PIP4K2A: variants seen among roughly 807,000 people sequenced by gnomAD.
PIP4K2A encodes the protein phosphatidylinositol-5-phosphate 4-kinase type 2 alpha, also known as phosphatidylinositol 5-phosphate 4-kinase type-2 alpha.
Under a neutral mutation model 42.9 loss-of-function variants are expected in PIP4K2A, and 14 were observed. The observed-to-expected ratio is 0.33, with a 90% CI of 0.22 to 0.51. The LOEUF is 0.51. PIP4K2A is among the 20% of genes least tolerant of loss of function. PIP4K2A has a pLI of 0.97. For missense variants in PIP4K2A, 434 were observed against 519.8 expected (o/e 0.83, Z 1.61); for synonymous variants, 192 against 192.2 (o/e 1.00, Z 0.01).
intron 6 of PIP4K2A, among the ~76,000 whole-genome samples, chr10:22,553,661 T>C (rs943189): frequency 0.63 from 96,029 of 151,906 alleles, 30,514 homozygotes; most frequent in South Asian, 0.77. Flanking sequence ...GGGAACTCAA[T>C]CAGAAACCAT....
At chr10:22,575,064 T>C (rs1338544651) in intron 4 of PIP4K2A, among the ~76,000 whole-genome samples, 2 of 152,140 alleles carry the variant, frequency 1.3e-5, no homozygotes, top group Admixed American at 1.3e-4. Context: ...ACCAAATCAC[T>C]CCACAGTTTA....
intron 1 of PIP4K2A, among the ~76,000 whole-genome samples, chr10:22,649,234 T>C (rs1364686446): frequency 6.6e-6 from 1 of 152,252 alleles, no homozygotes; most frequent in Non-Finnish European, 1.5e-5. Flanking sequence ...TTATGAATAA[T>C]TTAACATGTT....
At chr10:22,667,467 A>G (rs1173675359) in intron 1 of PIP4K2A, among the ~76,000 whole-genome samples, 1 of 152,192 alleles carries the variant, frequency 6.6e-6, no homozygotes, top group East Asian at 1.9e-4. Flanking sequence ...CATCCAAAAG[A>G]TTAAAGTGGG....
At chr10:22,663,524 G>C (rs979035297) in intron 1 of PIP4K2A, among the ~76,000 whole-genome samples, 1 of 152,046 alleles carries the variant, frequency 6.6e-6, no homozygotes, top group Non-Finnish European at 1.5e-5. Context: ...TATTATATTT[G>C]TAAACTGACA....
At chr10:22,584,116 C>A (rs1430141897) in intron 4 of PIP4K2A, among the ~76,000 whole-genome samples, 1 of 152,124 alleles carries the variant, frequency 6.6e-6, no homozygotes, top group East Asian at 1.9e-4. Flanking sequence ...GTTGGCAGAC[C>A]ATGACAACAA....
Position 22,594,891 on chromosome 10 carries a change from C to T in PIP4K2A, c.340-3110G>A, listed in dbSNP as rs538398708. Among the ~76,000 whole-genome samples, 120 of 152,228 alleles carry T rather than the reference C, an allele frequency of 7.9e-4. 2 individuals are homozygous for T. In the South Asian group the frequency reaches 0.01, roughly 13 times the overall value. On this transcript the variant is annotated intron_variant, in intron 3 of 9. Coordinates refer to ENST00000376573, the MANE Select transcript of PIP4K2A (RefSeq NM_005028.5). ...CCTGGGATATAAAACCTTAAAAATT[C>T]GAATCTTGATTCTGTCTCAAATCAC... is the stretch of plus-strand genomic sequence containing the variant.
At chr10:22,538,798 C>T (rs943024185) in intron 9 of PIP4K2A, among the ~76,000 whole-genome samples, 36 of 138,456 alleles carry the variant, frequency 2.6e-4, no homozygotes, top group African/African-American at 1.3e-4. Context: ...CTGACGTGCT[C>T]GGGGGCGGTG....
chr10:22,607,752 T>G, intron 3 of PIP4K2A, 175 bp downstream of exon 3: 1 of 503,586 alleles, frequency 2.0e-6, no homozygotes, highest in Non-Finnish European at 3.6e-6. Context: ...TGTATAGAGG[T>G]CCCCAATCAA....
chr10:22,631,975 C>A (rs1052354319), intron 1 of PIP4K2A, among the ~76,000 whole-genome samples: 1 of 151,880 alleles, frequency 6.6e-6, no homozygotes, highest in African/African-American at 2.4e-5. Context: ...CTGATACGTG[C>A]GCTGAGATGG....
At chr10:22,704,422 T>C (rs1338246071) in intron 1 of PIP4K2A, among the ~76,000 whole-genome samples, 1 of 152,064 alleles carries the variant, frequency 6.6e-6, no homozygotes, top group Non-Finnish European at 1.5e-5. Flanking sequence ...CGCAGGTAAG[T>C]TGACGGTTGC....
At chr10:22,664,102 T>TACGTATATATATATACATATATATATAC (rs1839275779) in intron 1 of PIP4K2A, among the ~76,000 whole-genome samples, 1 of 86,666 alleles carries the variant, frequency 1.2e-5, no homozygotes, top group Non-Finnish European at 1.9e-5. Context: ...TATATATATA[T>TACGTATATATATATACATATATATATAC]ACATATATAT....
At chr10:22,710,368 C>T (rs982018080) in intron 1 of PIP4K2A, among the ~76,000 whole-genome samples, 1 of 152,252 alleles carries the variant, frequency 6.6e-6, no homozygotes, top group Middle Eastern at 3.2e-3. Context: ...AACAGGCAAG[C>T]GCTGCCATGT....
At chr10:22,558,536 A>G (rs931627644) in intron 6 of PIP4K2A, among the ~76,000 whole-genome samples, 3 of 152,262 alleles carry the variant, frequency 2.0e-5, no homozygotes, top group African/African-American at 7.2e-5. Context: ...GGATACGGAT[A>G]AAGTTCATAC....
rs146637288 is a variant in PIP4K2A at position 22,632,925 on chromosome 10, C to T, written c.145-23208G>A. 3.7e-3 allele frequency among the ~76,000 whole-genome samples: 563 copies of T among 152,184 alleles called. 2 individuals carry two copies. Among genetic ancestry groups the T allele is most frequent in the African/African-American group, 0.013 (527 of 41,492 alleles). ...TCTTTGGTTTTCTATTTGTATGGCCCCTTTTCATCCTCAACATTCATCATT... is the reference window on the plus strand; with the variant it reads ...TCTTTGGTTTTCTATTTGTATGGCCTCTTTTCATCCTCAACATTCATCATT... On this transcript the variant is annotated intron_variant, in intron 1 of 9. Coordinates refer to ENST00000376573, the MANE Select transcript of PIP4K2A (RefSeq NM_005028.5).
At chr10:22,603,410 T>C (rs1837838383) in intron 3 of PIP4K2A, among the ~76,000 whole-genome samples, 1 of 152,158 alleles carries the variant, frequency 6.6e-6, no homozygotes. Context: ...CAGGGCTGTT[T>C]AATGTTCTTC....
intron 1 of PIP4K2A, among the ~76,000 whole-genome samples, chr10:22,644,047 G>A (rs1191658592): frequency 6.6e-6 from 1 of 152,082 alleles, no homozygotes; most frequent in East Asian, 1.9e-4. Context: ...ACCATCCCCA[G>A]CTGGATCTCT....
chr10:22,616,695 TA>T (rs111976859), intron 1 of PIP4K2A, among the ~76,000 whole-genome samples: 76 of 147,560 alleles, frequency 5.2e-4, no homozygotes, highest in Middle Eastern at 3.5e-3. Context: ...ATTCCTTATT[TA>T]AAAAAAAAAA....
chr10:22,706,327 C>T (rs1833821528), intron 1 of PIP4K2A, among the ~76,000 whole-genome samples: 1 of 152,184 alleles, frequency 6.6e-6, no homozygotes. Context: ...CTTGGCAGAT[C>T]TCCTACCACT....
chr10:22,553,182 C>CT lies in PIP4K2A; in HGVS notation c.679-2411dup, dbSNP rs557680593. On this transcript the variant is annotated intron_variant, in intron 6 of 9. Transcript: ENST00000376573. ...AAGGGCACCCAGATTGGCTAAAAGA[C>CT]TTAAGGGCTTACTGAAAGGATCAAG... Among the ~76,000 whole-genome samples, 10 of 152,294 alleles carry CT rather than the reference C, an allele frequency of 6.6e-5. No individual in the cohort carries two copies. In the East Asian group the frequency reaches 1.9e-3, roughly 29 times the overall value.
Sources: allele counts gnomAD v4.1 joint callset (sites outside exome capture counted in the v4.1 genomes callset), GRCh38; gene constraint gnomAD v4.1.1; transcripts MANE v1.5; gene names NCBI Gene and HGNC (gene_info 2026-07-23, HGNC 2026-07-21).